SLC25A48: variants seen among roughly 807,000 people sequenced by gnomAD.
The protein encoded by SLC25A48 is CTC-321K16.1.
Under a neutral mutation model 32.2 loss-of-function variants are expected in SLC25A48, and 29 were observed. The ratio of observed to expected loss-of-function variants is 0.90; its 90% CI spans 0.67 to 1.23. The LOEUF is 1.23. Ranked by LOEUF, SLC25A48 falls within the 50% of genes most tolerant of loss-of-function variation. The probability of loss-of-function intolerance (pLI) is 0.00; values close to 1 mark genes in which losing one functional copy is unlikely to be tolerated. For missense variants in SLC25A48, 399 were observed against 422.7 expected (o/e 0.94, Z 0.49); for synonymous variants, 164 against 172.3 (o/e 0.95, Z 0.38).
intron 4 of SLC25A48, among the ~76,000 whole-genome samples, chr5:135,823,008 T>C (rs1044018824): frequency 6.6e-6 from 1 of 152,060 alleles, no homozygotes; most frequent in Non-Finnish European, 1.5e-5. Context: ...GCTGGCAGTC[T>C]ATGGGCCAGT....
intron 3 of SLC25A48, among the ~76,000 whole-genome samples, chr5:135,702,102 GT>G (rs1754408118): frequency 6.6e-6 from 1 of 152,240 alleles, no homozygotes; most frequent in Non-Finnish European, 1.5e-5. Flanking sequence ...TGGCTACAAA[GT>G]CTATACATTG....
chr5:135,766,723 A>C (rs566582867), intron 3 of SLC25A48, among the ~76,000 whole-genome samples: 2 of 150,658 alleles, frequency 1.3e-5, no homozygotes, highest in South Asian at 4.2e-4. Context: ...AGTGGGTGCT[A>C]TTACTCCTCA....
At chr5:135,752,972 G>A (rs569912314) in intron 3 of SLC25A48, among the ~76,000 whole-genome samples, 2 of 151,752 alleles carry the variant, frequency 1.3e-5, no homozygotes, top group Non-Finnish European at 2.9e-5. Context: ...AATATCACAG[G>A]GGTTTACGCA....
chr5:135,777,633 T>G (rs1245374476), intron 3 of SLC25A48, among the ~76,000 whole-genome samples: 1 of 150,956 alleles, frequency 6.6e-6, no homozygotes, highest in Non-Finnish European at 1.5e-5. Context: ...GTTCCTAATA[T>G]CGAGGAGGAG....
intron 1 of SLC25A48, among the ~76,000 whole-genome samples, chr5:135,612,035 G>A (rs1048352482): frequency 6.6e-5 from 10 of 152,216 alleles, no homozygotes; most frequent in African/African-American, 1.9e-4. Context: ...CGGTTTATAT[G>A]CTGTGGCTTT....
chr5:135,857,472 T>G (rs1256490908), intron 4 of SLC25A48, among the ~76,000 whole-genome samples: 1 of 152,252 alleles, frequency 6.6e-6, no homozygotes, highest in Non-Finnish European at 1.5e-5. Context: ...CCCATCACCT[T>G]CTTTAATATC....
Position 135,879,995 on chromosome 5 carries a change from G to A in SLC25A48, c.841G>A (p.Ala281Thr), listed in dbSNP as rs577957582. 1.1e-4 allele frequency: 166 copies of A among 1,536,392 alleles called. 1 individual carries two copies. Among genetic ancestry groups the A allele is most frequent in the Admixed American group, 2.5e-4 (13 of 50,994 alleles). Residue 281 changes from alanine to threonine, a missense_variant, in exon 7 of 8, where the codon GCG becomes ACG. Physicochemically the swap from Ala to Thr is moderately conservative, Grantham distance 58. Transcript: ENST00000681962. The stretch of plus-strand genomic sequence containing the variant: ...GTTTTTCAGAGGCATCACTGTGAAC[G>A]CGGTGCGGGGCTTCCCCATGAGTGC... ...KVFFRGITVN[A>T]VRGFPMSAAM... is the part of the protein sequence containing the mutation.
intron 3 of SLC25A48, among the ~76,000 whole-genome samples, chr5:135,682,532 C>T (rs1470582004): frequency 6.6e-6 from 1 of 152,188 alleles, no homozygotes; most frequent in East Asian, 1.9e-4. Flanking sequence ...TGCTTGCATA[C>T]ATATGTGCCT....
At chr5:135,715,336 G>A (rs1179012211) in intron 3 of SLC25A48, among the ~76,000 whole-genome samples, 1 of 152,198 alleles carries the variant, frequency 6.6e-6, no homozygotes, top group Non-Finnish European at 1.5e-5. Context: ...AAGTGAGTGG[G>A]GACTTCATTC....
rs773534574 is a variant in SLC25A48 at position 135,781,347 on chromosome 5, C to T, written c.-520-31176C>T. ...GTAGGGATGACATTACTCTCCATAT[C>T]GCGGATGTGTACGCCTCTCTGTGAT... On this transcript the variant is annotated intron_variant, in intron 3 of 10. Coordinates refer to the SLC25A48 transcript ENST00000646290. Among the ~76,000 whole-genome samples the T allele has an allele frequency of 4.3e-5, 5 of 116,756 alleles. 2 individuals are homozygous for T. The highest frequency in any genetic ancestry group is 8.4e-5 in the Non-Finnish European group (4 of 47,394). The allele number at this position is 116,756 out of a possible 152,430, so 76.6% of individuals were successfully genotyped here. A position where few individuals can be genotyped will look rare whatever the true frequency, so the allele number is the denominator to read the frequency against.
intron 4 of SLC25A48, among the ~76,000 whole-genome samples, chr5:135,866,639 A>G (rs1193685805): frequency 6.6e-6 from 1 of 152,210 alleles, no homozygotes; most frequent in Non-Finnish European, 1.5e-5. Context: ...ATCTACCTCT[A>G]AGGGACCTCC....
intron 1 of SLC25A48, among the ~76,000 whole-genome samples, chr5:135,585,765 G>GATAATAATAATAATAATAATA (rs575237605): frequency 1.7e-4 from 26 of 151,248 alleles, no homozygotes; most frequent in South Asian, 4.2e-4. Context: ...GTAAAAAGAA[G>GATAATAATAATAATAATAATA]ATAATAATAA....
chr5:135,669,265 G>T (rs920793789), intron 3 of SLC25A48, among the ~76,000 whole-genome samples: 1 of 152,136 alleles, frequency 6.6e-6, no homozygotes, highest in African/African-American at 2.4e-5. Context: ...TGCATCCTGG[G>T]AAGAGAGGCT....
chr5:135,798,549 A>AC (rs1331710672), intron 3 of SLC25A48, among the ~76,000 whole-genome samples: 12 of 151,042 alleles, frequency 7.9e-5, no homozygotes, highest in Non-Finnish European at 1.3e-4. Context: ...GAGGTTGTAC[A>AC]CCCCCCTTGT....
rs750677720 is a variant in SLC25A48, at chr5:135,835,176, C to T, written c.46+283C>T. 92 of 646,784 alleles carry T rather than the reference C, an allele frequency of 1.4e-4. 1 individual carries two copies. The highest frequency in any genetic ancestry group is 1.4e-3 in the South Asian group (92 of 66,280). 40.1% of individuals were successfully genotyped at this position (646,784 alleles called of 1,614,324 possible). On this transcript the variant is annotated intron_variant, in intron 1 of 7. Coordinates refer to ENST00000681962, the MANE Select transcript of SLC25A48 (RefSeq NM_001349336.2). Reference sequence around the variant, plus strand: ...GTAATGATTAAACAGCTCGTCAAAGCCCACAGCCAATGGAGGCTCCTGGCG... The same window carrying T: ...GTAATGATTAAACAGCTCGTCAAAGTCCACAGCCAATGGAGGCTCCTGGCG...
intron 3 of SLC25A48, among the ~76,000 whole-genome samples, chr5:135,709,804 C>G (rs981659021): frequency 6.6e-6 from 1 of 152,110 alleles, no homozygotes. Context: ...CAGCACAGTG[C>G]CAGGAACATT....
At chr5:135,728,539 A>C (rs906617913) in intron 3 of SLC25A48, among the ~76,000 whole-genome samples, 13 of 152,050 alleles carry the variant, frequency 8.5e-5, no homozygotes, top group African/African-American at 3.1e-4. Flanking sequence ...TTGCATACTT[A>C]AGGGTGTTTC....
intron 3 of SLC25A48, among the ~76,000 whole-genome samples, chr5:135,679,307 G>A (rs915769376): frequency 3.3e-5 from 5 of 152,012 alleles, no homozygotes; most frequent in African/African-American, 7.2e-5. Flanking sequence ...AAACTGGGCC[G>A]GGCAGTCCTC....
At chr5:135,617,764 C>T (rs1441872597) in intron 1 of SLC25A48, among the ~76,000 whole-genome samples, 1 of 151,796 alleles carries the variant, frequency 6.6e-6, no homozygotes, top group African/African-American at 2.4e-5. Flanking sequence ...GTACAGTTTC[C>T]AAAGTTCCTC....
Sources: allele counts gnomAD v4.1 joint callset (sites outside exome capture counted in the v4.1 genomes callset), GRCh38; gene constraint gnomAD v4.1.1; transcripts MANE v1.5; gene names NCBI Gene and HGNC (gene_info 2026-07-23, HGNC 2026-07-21).